Variants in PRDM5 observed in about 807,000 individuals in gnomAD.
PRDM5 encodes the protein PR/SET domain 5, also known as PR domain zinc finger protein 5.
In PRDM5, 56 loss-of-function variants were observed where a neutral mutation model predicts 81.2. That is an observed-to-expected ratio of 0.69 (90% CI 0.56 to 0.86). PRDM5 has a LOEUF of 0.86. Ranked by LOEUF, PRDM5 falls within the 40% of genes least tolerant of loss-of-function variation. The pLI is 0.00. For missense variants in PRDM5, 697 were observed against 770.1 expected (o/e 0.91, Z 1.12); for synonymous variants, 267 against 256.4 (o/e 1.04, Z -0.39).
At chr4:120,893,682 T>G (rs1000660919) in intron 2 of PRDM5, among the ~76,000 whole-genome samples, 2 of 152,244 alleles carry the variant, frequency 1.3e-5, no homozygotes, top group African/African-American at 4.8e-5. Flanking sequence ...GAGAAAGTTG[T>G]GCTTAAGTCT....
At chr4:120,745,583 G>C (rs1425928017) in intron 14 of PRDM5, among the ~76,000 whole-genome samples, 18 of 145,850 alleles carry the variant, frequency 1.2e-4, no homozygotes, top group Non-Finnish European at 2.4e-4. Flanking sequence ...CTTCAGCAAA[G>C]TCTCAGGATA....
intron 10 of PRDM5, among the ~76,000 whole-genome samples, chr4:120,794,478 G>A (rs1218680680): frequency 6.8e-6 from 1 of 147,472 alleles, no homozygotes; most frequent in Admixed American, 6.8e-5. Context: ...AAATTGTTTG[G>A]CTATGACCAA....
intron 13 of PRDM5, among the ~76,000 whole-genome samples, chr4:120,765,998 C>T (rs1302490022): frequency 2.0e-5 from 3 of 147,080 alleles, no homozygotes; most frequent in Admixed American, 6.9e-5. Flanking sequence ...TTCACTCTAT[C>T]GCCCAGGCTG....
intron 2 of PRDM5, among the ~76,000 whole-genome samples, chr4:120,853,849 C>G (rs1205977521): frequency 6.6e-6 from 1 of 152,136 alleles, no homozygotes; most frequent in Non-Finnish European, 1.5e-5. Flanking sequence ...ATTGCAATCA[C>G]AATTGTTCAG....
intron 5 of PRDM5, among the ~76,000 whole-genome samples, 180 bp from the exon 6 acceptor site, chr4:120,817,104 G>T (rs1754625259): frequency 6.6e-6 from 1 of 152,030 alleles, no homozygotes; most frequent in South Asian, 2.1e-4. Flanking sequence ...AGTGTCTTTT[G>T]TATAAATATA....
At chr4:120,864,377 A>G (rs1760971975) in intron 2 of PRDM5, among the ~76,000 whole-genome samples, 1 of 152,256 alleles carries the variant, frequency 6.6e-6, no homozygotes, top group African/African-American at 2.4e-5. Flanking sequence ...TAAAAATCAG[A>G]CAGACCAATA....
intron 14 of PRDM5, among the ~76,000 whole-genome samples, chr4:120,727,941 G>GAA (rs559287282): frequency 3.5e-5 from 4 of 115,868 alleles, no homozygotes; most frequent in African/African-American, 3.2e-5. Flanking sequence ...ATCTCAGTAA[G>GAA]AAAAAAAAAA....
At position 120,816,657 on chromosome 4, in the gene PRDM5, T is replaced by C; in HGVS notation, c.744-83A>G. 5.7e-6 allele frequency: 9 copies of C among 1,587,712 alleles called. No individual in the cohort carries two copies. The Admixed American group carries it at 6.7e-5, about 12-fold the overall frequency. On this transcript the variant is annotated intron_variant, in intron 6 of 15. Coordinates refer to ENST00000264808, the MANE Select transcript of PRDM5 (RefSeq NM_018699.4). ...CTCAAACATCAGCAAGATTTTGTAA[T>C]ACATGCTCCCTAGTAGAGTTTCGGG... is the stretch of plus-strand genomic sequence containing the variant.
intron 14 of PRDM5, among the ~76,000 whole-genome samples, chr4:120,711,328 T>G (rs1267432878): frequency 6.6e-6 from 1 of 152,192 alleles, no homozygotes; most frequent in East Asian, 1.9e-4. Context: ...TGATGGAGTC[T>G]CCCTCTGTCA....
intron 2 of PRDM5, among the ~76,000 whole-genome samples, chr4:120,904,177 G>C (rs1765505794): frequency 2.5e-5 from 1 of 39,878 alleles, no homozygotes; most frequent in African/African-American, 1.1e-4. Flanking sequence ...GTGACAGAGG[G>C]AGACTCCTTC....
Position 120,694,267 on chromosome 4 carries a change from T to C in PRDM5, c.*844A>G, listed in dbSNP as rs1011429580. Reference sequence around the variant, plus strand: ...TCTGTTGCCAAATACAGAGAATCTATTTGGTTTCTATTTTTAATTATATAT... The same window carrying C: ...TCTGTTGCCAAATACAGAGAATCTACTTGGTTTCTATTTTTAATTATATAT... On this transcript the variant is annotated 3_prime_UTR_variant, in exon 16 of 16. Coordinates refer to ENST00000264808, the MANE Select transcript of PRDM5 (RefSeq NM_018699.4). The C allele has an allele frequency of 1.2e-4, 19 of 152,110 alleles. 1 individual carries two copies. The highest frequency in any genetic ancestry group is 2.9e-4 in the African/African-American group (12 of 41,428). The allele number at this position is 152,110 out of a possible 1,614,324, so 9.4% of individuals were successfully genotyped here.
intron 14 of PRDM5, among the ~76,000 whole-genome samples, chr4:120,713,699 C>A (rs765244098): frequency 1.3e-5 from 2 of 152,144 alleles, no homozygotes; most frequent in Non-Finnish European, 2.9e-5. Context: ...GTAGAACGAT[C>A]CTCTTACACT....
intron 3 of PRDM5, among the ~76,000 whole-genome samples, chr4:120,839,706 G>A (rs28846396): frequency 0.063 from 9,527 of 152,218 alleles, 546 homozygotes; most frequent in African/African-American, 0.15. Context: ...GGGCCTCACC[G>A]GGTACCTGCC....
chr4:120,742,614 G>A (rs1232513954), intron 14 of PRDM5, among the ~76,000 whole-genome samples: 2 of 152,190 alleles, frequency 1.3e-5, no homozygotes, highest in African/African-American at 4.8e-5. Context: ...ACCAAGGCTT[G>A]AGAACTACGT....
chr4:120,825,987 T>A (rs1019631185), intron 3 of PRDM5, among the ~76,000 whole-genome samples: 9 of 152,108 alleles, frequency 5.9e-5, no homozygotes, highest in African/African-American at 2.2e-4. Flanking sequence ...ACTACACCCA[T>A]CATGCTCTCC....
intron 15 of PRDM5, among the ~76,000 whole-genome samples, chr4:120,698,325 T>G (rs759493226): frequency 6.6e-6 from 1 of 152,188 alleles, no homozygotes; most frequent in Non-Finnish European, 1.5e-5. Flanking sequence ...GCCTTTCCCC[T>G]GTCATTCCTT....
intron 7 of PRDM5, among the ~76,000 whole-genome samples, chr4:120,815,787 GTAAAAAGTTAACTGAGACAA>G (rs1235616868): frequency 6.6e-6 from 1 of 152,098 alleles, no homozygotes; most frequent in Non-Finnish European, 1.5e-5. Context: ...AAGACAAGAA[GTAAAAAGTTAACTGAGACAA>G]TACAGCCATC....
At chr4:120,781,760 T>C (rs1266845870) in intron 11 of PRDM5, among the ~76,000 whole-genome samples, 1 of 152,098 alleles carries the variant, frequency 6.6e-6, no homozygotes, top group Non-Finnish European at 1.5e-5. Context: ...GGTAGAGAGC[T>C]GAGGAGGAAA....
intron 2 of PRDM5, among the ~76,000 whole-genome samples, chr4:120,877,183 A>G (rs1437366963): frequency 1.3e-5 from 2 of 152,214 alleles, no homozygotes; most frequent in African/African-American, 2.4e-5. Context: ...GGAAGAGAGC[A>G]TGAGGTAAGT....
Sources: allele counts gnomAD v4.1 joint callset (sites outside exome capture counted in the v4.1 genomes callset), GRCh38; gene constraint gnomAD v4.1.1; transcripts MANE v1.5; gene names NCBI Gene and HGNC (gene_info 2026-07-23, HGNC 2026-07-21).